Variants in DLGAP2 observed in about 807,000 individuals in gnomAD.
DLGAP2 encodes disks large-associated protein 2.
A neutral mutation model predicts 100.3 loss-of-function variants in DLGAP2; 26 were observed. The observed-to-expected ratio is 0.26, with a 90% CI of 0.19 to 0.36. The LOEUF is 0.36. Among genes scored for constraint, DLGAP2 ranks in the 10% least tolerant of loss-of-function variants. The pLI is 1.00. For missense variants in DLGAP2, 1,858 were observed against 1,453.2 expected, an observed-to-expected ratio of 1.28 and a Z score of -4.53; for synonymous variants, 886 against 630.1, an observed-to-expected ratio of 1.41 and a Z score of -6.08.
At chr8:866,583 G>A (rs1158566331) in intron 1 of DLGAP2, among the ~76,000 whole-genome samples, 1 of 152,166 alleles carries the variant, frequency 6.6e-6, no homozygotes, top group African/African-American at 2.4e-5. Flanking sequence ...AGTGCTGGGG[G>A]TCGTGTCTCT....
At chr8:1,583,244 C>G (rs184000154) in intron 6 of DLGAP2, among the ~76,000 whole-genome samples, 1 of 152,332 alleles carries the variant, frequency 6.6e-6, no homozygotes, top group Admixed American at 6.5e-5. Context: ...TTCTCCCTCC[C>G]ATCTGCCATG....
rs201554015 is a variant in DLGAP2, at chr8:1,066,174, G to A, written c.73+158208G>A. ...CCACAGTCAGGTATGAGCGAGGACA[G>A]TTCCCCACCACGGTCAGGTCTGAGT... On this transcript the variant is annotated intron_variant, in intron 2 of 14. Transcript: ENST00000637795. Among the ~76,000 whole-genome samples, 20 of 151,396 alleles carry A rather than the reference G, an allele frequency of 1.3e-4. No individual in the cohort carries two copies. The East Asian group carries it at 3.0e-3, about 22-fold the overall frequency.
intron 3 of DLGAP2, among the ~76,000 whole-genome samples, chr8:1,274,643 C>T (rs928285862): frequency 1.4e-5 from 2 of 140,182 alleles, no homozygotes; most frequent in African/African-American, 5.4e-5. Context: ...GAACATAAAC[C>T]ATAAAATGAG....
At chr8:791,315 C>G (rs1822020836) in intron 1 of DLGAP2, among the ~76,000 whole-genome samples, 1 of 152,204 alleles carries the variant, frequency 6.6e-6, no homozygotes, top group African/African-American at 2.4e-5. Context: ...GCTCCCTCCA[C>G]AGAGAAGCCC....
chr8:1,388,662 G>A (rs557408044), intron 3 of DLGAP2, among the ~76,000 whole-genome samples: 1 of 83,956 alleles, frequency 1.2e-5, no homozygotes, highest in African/African-American at 4.3e-5. Context: ...GGCAGACGCC[G>A]TGGAAGAGGA....
intron 2 of DLGAP2, among the ~76,000 whole-genome samples, chr8:1,083,463 C>T (rs551649494): frequency 1.3e-5 from 2 of 152,112 alleles, no homozygotes; most frequent in Non-Finnish European, 2.9e-5. Context: ...TTATGACGTT[C>T]GAGTTTGTGT....
intron 3 of DLGAP2, among the ~76,000 whole-genome samples, chr8:1,374,134 A>G (rs9772053): frequency 0.41 from 56,605 of 136,524 alleles, 12,473 homozygotes; most frequent in African/African-American, 0.6. Context: ...GGTTAGGTTT[A>G]CAGAGGGCTG....
intron 4 of DLGAP2, among the ~76,000 whole-genome samples, chr8:1,526,770 C>G (rs1800809265): frequency 6.6e-6 from 1 of 152,182 alleles, no homozygotes; most frequent in Non-Finnish European, 1.5e-5. Context: ...TGAGCTACGT[C>G]TATCCCTGTT....
At chr8:1,382,243 G>A (rs1796114012) in intron 3 of DLGAP2, among the ~76,000 whole-genome samples, 2 of 152,176 alleles carry the variant, frequency 1.3e-5, no homozygotes, top group East Asian at 1.9e-4. Flanking sequence ...TAAAATACAT[G>A]TACTGTTTAT....
chr8:1,220,610 T>A (rs1486718452), intron 2 of DLGAP2, among the ~76,000 whole-genome samples: 1 of 152,214 alleles, frequency 6.6e-6, no homozygotes, highest in Non-Finnish European at 1.5e-5. Context: ...TAGATATCTA[T>A]TAGGTCTATT....
intron 2 of DLGAP2, among the ~76,000 whole-genome samples, chr8:1,179,716 A>G (rs1364830074): frequency 6.6e-6 from 1 of 152,258 alleles, no homozygotes; most frequent in Non-Finnish European, 1.5e-5. Context: ...CCACCTTAAT[A>G]TACAGTTACA....
intron 2 of DLGAP2, among the ~76,000 whole-genome samples, chr8:1,115,129 T>C (rs1805077338): frequency 1.3e-5 from 2 of 152,232 alleles, no homozygotes; most frequent in Admixed American, 6.5e-5. Context: ...TGTTTTAGAG[T>C]GTGTGCCATG....
intron 2 of DLGAP2, among the ~76,000 whole-genome samples, chr8:1,042,987 G>T (rs1459907688): frequency 7.0e-6 from 1 of 142,442 alleles, no homozygotes; most frequent in East Asian, 2.2e-4. Flanking sequence ...GGATGTGGGT[G>T]ATGGATGTGG....
In DLGAP2 at chr8:1,422,442, A is replaced by T. The variant is rs185079566; in HGVS notation, c.107-78924A>T. ...AAGCGAAGATGGCCGTGACTGAGCG[A>T]GGATCACTAAGAGCAAGTGATGCCA... On this transcript the variant is annotated intron_variant, in intron 3 of 14. Coordinates refer to ENST00000637795, the MANE Select transcript of DLGAP2 (RefSeq NM_001346810.2). Among the ~76,000 whole-genome samples, 145 of 152,290 alleles carry T rather than the reference A, an allele frequency of 9.5e-4. 1 individual carries two copies. Among genetic ancestry groups the T allele is most frequent in the African/African-American group, 3.3e-3 (139 of 41,558 alleles).
Position 1,632,992 on chromosome 8 carries a change from T to G in DLGAP2, c.1756T>G (p.Cys586Gly). The change falls in exon 8 of 15, where the codon TGT becomes GGT. Residue 586 changes from cysteine to glycine, a missense_variant. Cys to Gly is a radical substitution (Grantham distance 159). Transcript: ENST00000637795. Reference protein sequence around the residue: ...IQAGYSQDDECIPMMTPSDIT... With the variant: ...IQAGYSQDDEGIPMMTPSDIT... ...AGCCGGCTACTCCCAAGATGACGAA[T>G]GTATTCCCATGATGACACCCTCTGA... 1 of 1,613,968 alleles carries G rather than the reference T, an allele frequency of 6.2e-7. No individual in the cohort carries two copies. Among genetic ancestry groups the G allele is most frequent in the Non-Finnish European group, 8.5e-7 (1 of 1,179,890 alleles).
intron 4 of DLGAP2, among the ~76,000 whole-genome samples, chr8:1,531,137 A>C (rs1418856602): frequency 1.3e-5 from 2 of 151,988 alleles, no homozygotes; most frequent in African/African-American, 4.8e-5. Flanking sequence ...TTTTAAGTTT[A>C]TTTTTGAAGC....
intron 1 of DLGAP2, among the ~76,000 whole-genome samples, chr8:901,699 C>T (rs1324176941): frequency 6.6e-6 from 1 of 152,188 alleles, no homozygotes; most frequent in African/African-American, 2.4e-5. Flanking sequence ...GAGGGAGATC[C>T]AGCAAGAACA....
At chr8:1,429,997 C>CATATATATATATAT (rs1361890198) in intron 3 of DLGAP2, among the ~76,000 whole-genome samples, 861 of 19,390 alleles carry the variant, frequency 0.044, 131 homozygotes, top group South Asian at 0.1. Context: ...GGGAGAGATG[C>CATATATATATATAT]ATATATATAC....
intron 1 of DLGAP2, among the ~76,000 whole-genome samples, chr8:771,104 TG>T: frequency 6.6e-6 from 1 of 152,318 alleles, no homozygotes; most frequent in African/African-American, 2.4e-5. Context: ...CCTCCTGTGC[TG>T]GGGTCAGAAT....
Sources: gnomAD v4.1 joint callset for allele counts (sites outside exome capture counted in the v4.1 genomes callset) on GRCh38, gnomAD v4.1.1 for gene constraint, MANE v1.5 for transcripts, NCBI Gene and HGNC (gene_info 2026-07-23, HGNC 2026-07-21) for gene names.